ERICH2: variants seen among roughly 807,000 people sequenced by gnomAD.
ERICH2 encodes the protein glutamate-rich protein 2.
A neutral mutation model predicts 17.4 loss-of-function variants in ERICH2; 17 were observed. The ratio of observed to expected loss-of-function variants is 0.98; its 90% CI spans 0.67 to 1.47. The LOEUF (loss-of-function observed/expected upper bound fraction) is 1.47. Among genes scored for constraint, ERICH2 ranks in the 40% most tolerant of loss-of-function variants. The probability of loss-of-function intolerance (pLI) is 0.00; values close to 1 mark genes in which losing one functional copy is unlikely to be tolerated. For synonymous variants in ERICH2, 51 were observed against 61.1 expected (o/e 0.83, Z 0.77); for missense variants, 186 against 183.2 (o/e 1.01, Z -0.09).
intron 2 of ERICH2, among the ~76,000 whole-genome samples, chr2:170,785,058 G>C (rs918132750): frequency 6.6e-6 from 1 of 152,060 alleles, no homozygotes; most frequent in Non-Finnish European, 1.5e-5. Flanking sequence ...CTAGTATTCA[G>C]TAGTACAGTA....
intron 4 of ERICH2, 39 bp downstream of exon 9, chr2:170,798,151 C>T (rs1274483416): frequency 1.1e-5 from 15 of 1,340,372 alleles, no homozygotes; most frequent in Non-Finnish European, 1.6e-5. Context: ...TCTCATAGAA[C>T]TATAAGCAGT....
the ERICH2 span, among the ~76,000 whole-genome samples, chr2:170,772,181 C>T: frequency 1.3e-5 from 2 of 152,150 alleles, no homozygotes; most frequent in South Asian, 2.1e-4. Context: ...TCCAGAATTC[C>T]AGAGCTTTCT....
chr2:170,798,050 A>G (rs1701471734), exon 4 of ERICH2: 1 of 1,547,632 alleles, frequency 6.5e-7, no homozygotes, highest in African/African-American at 1.4e-5. Context: ...GTCCTAATCT[A>G]TGAACCAGAA....
the ERICH2 span, chr2:170,770,679 G>A: frequency 1.3e-5 from 2 of 155,226 alleles, no homozygotes; most frequent in Admixed American, 6.5e-5. Context: ...CTTAGAATCA[G>A]GTATGGACAC....
rs2105729698 is a variant in ERICH2 at position 170,797,942 on chromosome 2, A to G, written c.275-99A>G. On this transcript the variant is annotated intron_variant, in intron 3 of 4. Transcript: ENST00000409885. Reference sequence around the variant, plus strand: ...TAGTGTTTATTGCATTGTGCCTTTCACCTGCTCTGACTGACAGTTCAATTT... The same window carrying G: ...TAGTGTTTATTGCATTGTGCCTTTCGCCTGCTCTGACTGACAGTTCAATTT... 3.9e-6 allele frequency: 3 copies of G among 762,862 alleles called. No homozygotes were observed. In the East Asian group the frequency reaches 8.1e-5, roughly 20 times the overall value. The allele number at this position is 762,862 out of a possible 1,614,324, so 47.3% of individuals were successfully genotyped here.
chr2:170,779,035 T>C (rs1344091267), upstream of ERICH2, among the ~76,000 whole-genome samples: 2 of 152,204 alleles, frequency 1.3e-5, no homozygotes, highest in Admixed American at 1.3e-4. Flanking sequence ...TTCCCTTTAA[T>C]TTGCTTTCAG....
the ERICH2 span, among the ~76,000 whole-genome samples, chr2:170,775,473 C>T: frequency 6.6e-6 from 1 of 151,978 alleles, no homozygotes; most frequent in African/African-American, 2.4e-5. Flanking sequence ...TGATGCTGTA[C>T]ATCACATTTA....
chr2:170,776,589 G>A, the ERICH2 span, among the ~76,000 whole-genome samples: 1 of 152,092 alleles, frequency 6.6e-6, no homozygotes, highest in Non-Finnish European at 1.5e-5. Flanking sequence ...TGTTGGTCAG[G>A]TTGGTCTCGA....
Position 170,797,811 on chromosome 2 carries a change from A to AAAG in ERICH2, c.275-228_275-227insGAA, listed in dbSNP as rs1559257959. Among the ~76,000 whole-genome samples, 536 of 136,786 alleles carry AAAG rather than the reference A, an allele frequency of 3.9e-3. 2 individuals are homozygous for AAAG. The highest frequency in any genetic ancestry group is 0.014 in the African/African-American group (493 of 35,720). 89.7% of individuals were successfully genotyped at this position (136,786 alleles called of 152,430 possible). A position where few individuals can be genotyped will look rare whatever the true frequency, so the allele number is the denominator to read the frequency against. On this transcript the variant is annotated intron_variant, in intron 3 of 4. Transcript: ENST00000409885. ...TGTCTCAGGGAAAAAAAAAAAAAAA[A>AAAG]AAAGAAAGAAAGAAAATATAGTGAG...
At chr2:170,779,740 C>A, upstream of ERICH2, 2 of 669,044 alleles carry the variant, frequency 3.0e-6, no homozygotes, top group Non-Finnish European at 3.7e-6. Flanking sequence ...GTTTTATCAC[C>A]TTTTCTAAAA....
At chr2:170,783,585 C>T (rs1243717190), upstream of ERICH2, among the ~76,000 whole-genome samples, 1 of 152,058 alleles carries the variant, frequency 6.6e-6, no homozygotes, top group African/African-American at 2.4e-5. Flanking sequence ...AACACAAACA[C>T]ATAAGTAAGG....
At chr2:170,796,440 G>GAT (rs1553569093) in intron 3 of ERICH2, among the ~76,000 whole-genome samples, 1,827 of 83,470 alleles carry the variant, frequency 0.022, 53 homozygotes, top group African/African-American at 0.06. Flanking sequence ...TTTTTTTTTT[G>GAT]TTTTTTTTTT....
intron 2 of ERICH2, among the ~76,000 whole-genome samples, chr2:170,790,019 G>A (rs1701248893): frequency 1.3e-5 from 2 of 152,056 alleles, no homozygotes; most frequent in Non-Finnish European, 2.9e-5. Flanking sequence ...CTACTTTTGT[G>A]TATATTTAAA....
At chr2:170,794,105 C>CTTTTTTTTTTTT (rs59152667) in intron 3 of ERICH2, among the ~76,000 whole-genome samples, 19 of 88,164 alleles carry the variant, frequency 2.2e-4, no homozygotes, top group South Asian at 4.9e-4. Flanking sequence ...TCCTTTCTTT[C>CTTTTTTTTTTTT]TTTTTTTTTT....
At chr2:170,790,803 C>CAAA (rs57351246) in intron 2 of ERICH2, among the ~76,000 whole-genome samples, 13 of 67,876 alleles carry the variant, frequency 1.9e-4, no homozygotes, top group African/African-American at 6.3e-4. Context: ...GACTCCTTCT[C>CAAA]AAAAAAAAAA....
chr2:170,777,403 A>T, the ERICH2 span: 1 of 1,174,922 alleles, frequency 8.5e-7, no homozygotes, highest in Non-Finnish European at 1.1e-6. Flanking sequence ...AGAATGGCAG[A>T]TTGCTAATGT....
chr2:170,771,020 C>G, the ERICH2 span: 1 of 147,834 alleles, frequency 6.8e-6, no homozygotes, highest in Admixed American at 6.8e-5. The surrounding 1 kb of genome is among the most constrained non-coding windows in gnomAD (Gnocchi z 4.8). Flanking sequence ...CGCCCAATTC[C>G]CCCAGCCCCC....
At chr2:170,774,607 C>T in the ERICH2 span, among the ~76,000 whole-genome samples, 2 of 145,616 alleles carry the variant, frequency 1.4e-5, no homozygotes, top group Admixed American at 1.4e-4. Flanking sequence ...ACTCTGTCAC[C>T]CAGGCTGGAA....
the ERICH2 span, among the ~76,000 whole-genome samples, chr2:170,778,522 T>C: frequency 1.3e-5 from 2 of 152,014 alleles, no homozygotes; most frequent in African/African-American, 2.4e-5. Context: ...TTGTAAATTA[T>C]ATGTATATTA....
Sources: gnomAD v4.1 joint callset for allele counts (sites outside exome capture counted in the v4.1 genomes callset) on GRCh38, gnomAD v4.1.1 for gene constraint, Gnocchi (gnomAD v3.1) non-coding constraint, MANE v1.5 for transcripts, NCBI Gene and HGNC (gene_info 2026-07-23, HGNC 2026-07-21) for gene names.